Variants in USP39 observed in about 807,000 individuals in gnomAD.
USP39 encodes ubiquitin carboxyl-terminal hydrolase 39.
In USP39, 38 loss-of-function variants were observed where a neutral mutation model predicts 66.4. That is an observed-to-expected ratio of 0.57 (90% CI 0.44 to 0.75). USP39 has a LOEUF of 0.75. USP39 is among the 30% of genes least tolerant of loss of function. The pLI, the probability that USP39 is intolerant of heterozygous loss-of-function variation, is 0.00. For missense variants in USP39, 608 were observed against 714.4 expected (o/e 0.85, Z 1.70); for synonymous variants, 303 against 274.6 (o/e 1.10, Z -1.02).
At chr2:85,644,175 C>T (rs1676473065) in intron 10 of USP39, among the ~76,000 whole-genome samples, 2 of 152,190 alleles carry the variant, frequency 1.3e-5, no homozygotes, top group South Asian at 4.1e-4. Flanking sequence ...AGATATATAA[C>T]TGGACGTGAC....
chr2:85,620,265 G>A (rs1558850551), intron 2 of USP39, among the ~76,000 whole-genome samples: 1 of 151,952 alleles, frequency 6.6e-6, no homozygotes, highest in Non-Finnish European at 1.5e-5. Context: ...CAGATTGCTT[G>A]AGCTCAGGAG....
At chr2:85,604,904 G>A (rs372430374) in intron 1 of USP39, among the ~76,000 whole-genome samples, 12 of 152,176 alleles carry the variant, frequency 7.9e-5, no homozygotes, top group African/African-American at 2.4e-4. Flanking sequence ...GTCCAGATCC[G>A]GGACATGAGG....
intron 11 of USP39, 166 bp downstream of exon 11, chr2:85,645,249 T>G: frequency 1.1e-6 from 1 of 916,664 alleles, no homozygotes; most frequent in Non-Finnish European, 1.6e-6. Context: ...TTCTCAATTT[T>G]GGCTACACAT....
intron 10 of USP39, among the ~76,000 whole-genome samples, chr2:85,642,939 AT>A (rs1169224000): frequency 6.6e-6 from 1 of 152,078 alleles, no homozygotes; most frequent in East Asian, 1.9e-4. Flanking sequence ...GGAGATGAGT[AT>A]AGTTTGCTCT....
intron 9 of USP39, 22 bp from the exon 10 acceptor site, chr2:85,640,954 G>A: frequency 1.3e-6 from 2 of 1,587,204 alleles, no homozygotes; most frequent in Non-Finnish European, 1.7e-6. Flanking sequence ...ACTAATTTGA[G>A]AATTTTCTTT....
At chr2:85,623,899 G>A (rs1050103374) in intron 4 of USP39, 117 bp downstream of exon 4, 2 of 1,193,222 alleles carry the variant, frequency 1.7e-6, no homozygotes, top group Non-Finnish European at 2.3e-6. Context: ...GGCATCGAGA[G>A]GCTGCTTTCT....
At position 85,641,224 on chromosome 2, in the gene USP39, G is replaced by C. The variant is rs1676211943; in HGVS notation, c.1427+106G>C. ...GGACTGTCTTAGTTGGGGATTACAAGGAACAGAGCCTACCTACAGTAGATA... is the reference window on the plus strand; with the variant it reads ...GGACTGTCTTAGTTGGGGATTACAACGAACAGAGCCTACCTACAGTAGATA... On this transcript the variant is annotated intron_variant, in intron 10 of 12. Coordinates refer to ENST00000323701, the MANE Select transcript of USP39 (RefSeq NM_006590.4). The C allele has an allele frequency of 1.4e-6, 2 of 1,393,750 alleles. 1 individual carries two copies. The highest frequency in any genetic ancestry group is 2.5e-5 in the South Asian group (2 of 78,784). The allele number at this position is 1,393,750 out of a possible 1,614,324, so 86.3% of individuals were successfully genotyped here. A position where few individuals can be genotyped will look rare whatever the true frequency, so the allele number is the denominator to read the frequency against.
At position 85,640,971 on chromosome 2, in the gene USP39, T is replaced by G. The variant is rs753263424; in HGVS notation, c.1285-5T>G. 5 of 1,598,244 alleles carry G rather than the reference T, an allele frequency of 3.1e-6. No homozygotes were observed. Among genetic ancestry groups the G allele is most frequent in the East Asian group, 2.2e-5 (1 of 44,776 alleles). Reference sequence around the variant, plus strand: ...TAATTTGAGAATTTTCTTTTCTTTCTCTAGGAATATAAGACTTACAAGGAG... The same window carrying G: ...TAATTTGAGAATTTTCTTTTCTTTCGCTAGGAATATAAGACTTACAAGGAG... On this transcript the variant is annotated splice_region_variant and splice_polypyrimidine_tract_variant and intron_variant, in intron 9 of 12. Transcript: ENST00000323701.
chr2:85,609,476 C>T (rs757496159), upstream of USP39: 9 of 1,614,208 alleles, frequency 5.6e-6, no homozygotes, highest in Non-Finnish European at 1.7e-6. Flanking sequence ...CTGTCTGCCT[C>T]GTATTCTAAG....
chr2:85,619,293 A>G lies in USP39; in HGVS notation c.338+4A>G. ...CGTACCTGGACACCATTAACAGGTC[A>G]GTAGGACAGAGATGCTGAGTATAGC... On this transcript the variant is annotated splice_donor_region_variant and intron_variant, in intron 2 of 12. Transcript: ENST00000323701. The G allele has an allele frequency of 6.2e-7, 1 of 1,612,926 alleles. No homozygotes were observed. Among genetic ancestry groups the G allele is most frequent in the Admixed American group, 1.7e-5 (1 of 59,818 alleles).
upstream of USP39, among the ~76,000 whole-genome samples, chr2:85,614,739 A>G (rs531102359): frequency 3.3e-5 from 5 of 152,314 alleles, no homozygotes; most frequent in African/African-American, 1.2e-4. Flanking sequence ...CAAAATTAGG[A>G]ATGCCTTTAT....
chr2:85,612,131 A>T (rs1303182600), upstream of USP39: 9 of 897,030 alleles, frequency 1.0e-5, no homozygotes, highest in Non-Finnish European at 1.5e-5. Flanking sequence ...CAAGCGATGC[A>T]GCGCACGGAG....
chr2:85,636,179 A>G, intron 7 of USP39, 49 bp downstream of exon 7: 1 of 1,588,072 alleles, frequency 6.3e-7, no homozygotes, highest in Non-Finnish European at 8.6e-7. Flanking sequence ...CTTTTAAAAA[A>G]CTTTGCGGTC....
chr2:85,629,283 A>G (rs1675126946), intron 5 of USP39, among the ~76,000 whole-genome samples: 1 of 150,952 alleles, frequency 6.6e-6, no homozygotes, highest in South Asian at 2.1e-4. Flanking sequence ...CAGGTCTTGG[A>G]CTCCTGACCT....
chr2:85,630,791 C>T lies in USP39; in HGVS notation c.794C>T (p.Pro265Leu). 1 of 1,614,166 alleles carries T rather than the reference C, an allele frequency of 6.2e-7. No homozygotes were observed. Among genetic ancestry groups the T allele is most frequent in the Non-Finnish European group, 8.5e-7 (1 of 1,180,038 alleles). ...GACAATTATAAGAACATCAAACGTC[C>T]TCCAGGGGATATCATGTTCTTGTTG... Reference protein sequence around the residue: ...EEDNYKNIKRPPGDIMFLLVQ... With the variant: ...EEDNYKNIKRLPGDIMFLLVQ... The change falls in exon 6 of 13, where the codon CCT (proline) becomes CTT (leucine). Residue 265 changes from proline (P) to leucine (L), a missense_variant. Transcript: ENST00000323701.
At chr2:85,645,146 CAG>C (rs1365582078) in intron 11 of USP39, 63 bp downstream of exon 11, 12 of 1,605,812 alleles carry the variant, frequency 7.5e-6, no homozygotes, top group Non-Finnish European at 1.0e-5. Flanking sequence ...TTTGGCATCT[CAG>C]AGGGCAGCTC....
upstream of USP39, chr2:85,611,656 G>T: frequency 6.4e-7 from 1 of 1,559,304 alleles, no homozygotes; most frequent in Non-Finnish European, 8.7e-7. Context: ...CAGGCGGGGC[G>T]GGCGGCCTCA....
chr2:85,639,862 TCTTAA>T (rs1177986708), intron 9 of USP39: 2 of 153,030 alleles, frequency 1.3e-5, no homozygotes, highest in East Asian at 1.9e-4. Flanking sequence ...CACCCCCAAC[TCTTAA>T]CTTATAGTGC....
intron 11 of USP39, among the ~76,000 whole-genome samples, chr2:85,645,504 G>C (rs1676578229): frequency 6.6e-6 from 1 of 152,062 alleles, no homozygotes. Context: ...GGCCAGTCTT[G>C]AACTCCTGAC....
Sources: gnomAD v4.1 joint callset for allele counts (sites outside exome capture counted in the v4.1 genomes callset) on GRCh38, gnomAD v4.1.1 for gene constraint, MANE v1.5 for transcripts, NCBI Gene and HGNC (gene_info 2026-07-23, HGNC 2026-07-21) for gene names.